The following PDE7B variants were observed in gnomAD, a reference collection of about 807,000 sequenced individuals.
PDE7B encodes the protein 3',5'-cyclic-AMP phosphodiesterase 7B.
Under a neutral mutation model 56.2 loss-of-function variants are expected in PDE7B, and 29 were observed. The observed-to-expected ratio is 0.52, with a 90% CI of 0.38 to 0.70. The LOEUF (loss-of-function observed/expected upper bound fraction) is 0.70, where lower values mean the gene tolerates loss of function less well. PDE7B is among the 30% of genes least tolerant of loss of function. The pLI is 0.00. For missense variants in PDE7B, 490 were observed against 565.0 expected (o/e 0.87, Z 1.35); for synonymous variants, 197 against 196.9 (o/e 1.00, Z 0.00).
At chr6:136,008,521 C>T (rs182206130) in intron 2 of PDE7B, among the ~76,000 whole-genome samples, 3 of 152,316 alleles carry the variant, frequency 2.0e-5, no homozygotes, top group Admixed American at 2.0e-4. Flanking sequence ...TTAATGATTG[C>T]CATTCTAACT....
intron 2 of PDE7B, among the ~76,000 whole-genome samples, chr6:135,982,043 ATTGTACATGCAG>A (rs1352677439): frequency 6.6e-6 from 1 of 152,060 alleles, no homozygotes; most frequent in Non-Finnish European, 1.5e-5. Context: ...TGGGACCATC[ATTGTACATGCAG>A]TTTGTCATTG....
chr6:135,995,217 G>T (rs574030854), intron 2 of PDE7B, among the ~76,000 whole-genome samples: 1 of 81,448 alleles, frequency 1.2e-5, no homozygotes, highest in East Asian at 3.5e-4. Context: ...CCGGCCCCAC[G>T]CTCCATACAT....
intron 2 of PDE7B, among the ~76,000 whole-genome samples, chr6:136,021,630 G>A (rs1356460211): frequency 6.7e-6 from 1 of 148,262 alleles, no homozygotes; most frequent in Non-Finnish European, 1.5e-5. Flanking sequence ...GGTGACAAGA[G>A]CAAAACTCTG....
intron 3 of PDE7B, among the ~76,000 whole-genome samples, chr6:136,116,476 G>C (rs967342865): frequency 1.3e-5 from 2 of 152,200 alleles, no homozygotes; most frequent in South Asian, 4.1e-4. Context: ...ATGTAATCAG[G>C]CTGCAGACTG....
rs553277383 is a variant in PDE7B at position 136,093,605 on chromosome 6, G to A, written c.83-15126G>A. Among the ~76,000 whole-genome samples, 394 of 152,280 alleles carry A rather than the reference G, an allele frequency of 2.6e-3. 1 individual carries two copies. Among genetic ancestry groups the A allele is most frequent in the African/African-American group, 9.1e-3 (379 of 41,552 alleles). The stretch of plus-strand genomic sequence containing the variant: ...CCAGGAGAATATTTATGGTGGCTTA[G>A]TTCCCTTTTCCAGAGAGGCCCATGA... On this transcript the variant is annotated intron_variant, in intron 2 of 12. Coordinates refer to ENST00000308191, the MANE Select transcript of PDE7B (RefSeq NM_018945.4).
chr6:136,052,405 G>A (rs535379678), intron 2 of PDE7B, among the ~76,000 whole-genome samples: 10 of 152,216 alleles, frequency 6.6e-5, no homozygotes, highest in Non-Finnish European at 1.2e-4. Flanking sequence ...ACTGGAGAAT[G>A]TCCTCCTGAA....
intron 2 of PDE7B, among the ~76,000 whole-genome samples, chr6:135,984,486 G>C (rs1775345692): frequency 6.6e-6 from 1 of 152,008 alleles, no homozygotes; most frequent in African/African-American, 2.4e-5. Flanking sequence ...GAAATTGCTT[G>C]CCAAATGTGC....
intron 2 of PDE7B, 107 bp from the exon 3 acceptor site, chr6:136,108,624 C>T: frequency 2.6e-6 from 2 of 770,388 alleles, no homozygotes; most frequent in Non-Finnish European, 4.7e-6. Context: ...GAATGGGAAC[C>T]ATTTTTCTCC....
At position 136,040,153 on chromosome 6, in the gene PDE7B, C is replaced by T. The variant is rs376907141; in HGVS notation, c.83-68578C>T. Among the ~76,000 whole-genome samples, 5 of 152,284 alleles carry T rather than the reference C, an allele frequency of 3.3e-5. No homozygotes were observed. In the East Asian group the frequency reaches 5.8e-4, roughly 18 times the overall value. ...TCTTACTATACCTCTCTACCACTGC[C>T]TCACATTCAGTGGAAACTGTCTCTG... On this transcript the variant is annotated intron_variant, in intron 2 of 12. Coordinates refer to ENST00000308191, the MANE Select transcript of PDE7B (RefSeq NM_018945.4).
In PDE7B at chr6:136,135,427, A is replaced by C. The variant is rs75837317; in HGVS notation, c.167-11924A>C. ...AGCCTAGCAAATGCCCTAAATGTTAAGAAATTTGTTTTTATCTTAAATTGC... is the reference window on the plus strand; with the variant it reads ...AGCCTAGCAAATGCCCTAAATGTTACGAAATTTGTTTTTATCTTAAATTGC... On this transcript the variant is annotated intron_variant, in intron 3 of 12. Coordinates refer to ENST00000308191, the MANE Select transcript of PDE7B (RefSeq NM_018945.4). 7.2e-3 allele frequency among the ~76,000 whole-genome samples: 1,096 copies of C among 152,144 alleles called. 14 individuals carry two copies. Among genetic ancestry groups the C allele is most frequent in the African/African-American group, 0.025 (1,021 of 41,522 alleles).
rs1171803694 is a variant in PDE7B at position 135,928,453 on chromosome 6, TTATATATA to T, written c.22-19007_22-19000del. On this transcript the variant is annotated intron_variant, in intron 1 of 12. Transcript: ENST00000308191. ...ATTATATATATATATATATATTTAT[TTATATATA>T]TATTTATTTATATATATATATTTAT... 1.6e-3 allele frequency among the ~76,000 whole-genome samples: 168 copies of T among 105,274 alleles called. 3 individuals are homozygous for T. Among genetic ancestry groups the T allele is most frequent in the African/African-American group, 5.6e-3 (158 of 28,062 alleles). The allele number at this position is 105,274 out of a possible 152,430, so 69.1% of individuals were successfully genotyped here. A position where few individuals can be genotyped will look rare whatever the true frequency, so the allele number is the denominator to read the frequency against.
chr6:136,165,275 G>A (rs537901021), intron 8 of PDE7B, among the ~76,000 whole-genome samples: 17 of 152,304 alleles, frequency 1.1e-4, no homozygotes, highest in African/African-American at 4.1e-4. Context: ...AAGTAGATAA[G>A]GTCGTGTGTG....
At chr6:135,922,281 C>T (rs903918331) in intron 1 of PDE7B, among the ~76,000 whole-genome samples, 2 of 152,124 alleles carry the variant, frequency 1.3e-5, no homozygotes, top group Non-Finnish European at 2.9e-5. Flanking sequence ...TATCAAATGG[C>T]ATGGGAACCA....
Position 135,979,486 on chromosome 6 carries a change from G to A in PDE7B, c.82+31962G>A, listed in dbSNP as rs1421060193. On this transcript the variant is annotated intron_variant, in intron 2 of 12. Coordinates refer to ENST00000308191, the MANE Select transcript of PDE7B (RefSeq NM_018945.4). ...CCTCCTTGTACCTCTGGTAGAATTC[G>A]GCTGTGAATCCATCTGGTCCTGGAC... is the stretch of plus-strand genomic sequence containing the variant. Among the ~76,000 whole-genome samples the A allele has an allele frequency of 9.9e-5, 15 of 151,372 alleles. No individual in the cohort carries two copies. The South Asian group carries it at 2.1e-3, about 21-fold the overall frequency.
intron 1 of PDE7B, among the ~76,000 whole-genome samples, chr6:135,889,789 T>C (rs1775777870): frequency 8.8e-6 from 1 of 113,298 alleles, no homozygotes; most frequent in East Asian, 2.9e-4. Flanking sequence ...GGAGTCTCAC[T>C]CTGTCACCCG....
At position 135,860,103 on chromosome 6, in the gene PDE7B, T is replaced by C. The variant is rs112494743; in HGVS notation, c.21+8084T>C. Among the ~76,000 whole-genome samples the C allele has an allele frequency of 2.5e-3, 386 of 152,186 alleles. 1 individual carries two copies. Among genetic ancestry groups the C allele is most frequent in the African/African-American group, 9.0e-3 (373 of 41,568 alleles). On this transcript the variant is annotated intron_variant, in intron 1 of 12. Transcript: ENST00000308191. ...GGTTCCAAAATTTCTGGCTTTCCTATGTAAGTAGTTACTCAGTTCATAATA... is the reference window on the plus strand; with the variant it reads ...GGTTCCAAAATTTCTGGCTTTCCTACGTAAGTAGTTACTCAGTTCATAATA...
intron 1 of PDE7B, among the ~76,000 whole-genome samples, chr6:135,885,643 G>C (rs1775694328): frequency 6.6e-6 from 1 of 152,114 alleles, no homozygotes; most frequent in Admixed American, 6.6e-5. Flanking sequence ...CTTTGAAGAA[G>C]AGGAAAACAA....
intron 3 of PDE7B, among the ~76,000 whole-genome samples, chr6:136,118,438 A>G (rs984531965): frequency 2.6e-5 from 4 of 152,328 alleles, no homozygotes; most frequent in African/African-American, 9.6e-5. Context: ...GGGAACCACT[A>G]TATATGTCAA....
At chr6:136,147,263 C>T (rs1778431256) in intron 3 of PDE7B, 88 bp from the exon 4 acceptor site, 2 of 798,486 alleles carry the variant, frequency 2.5e-6, no homozygotes, top group Admixed American at 4.8e-5. Context: ...TTAAATTTCT[C>T]TTCTTTTAAT....
Sources: allele counts gnomAD v4.1 joint callset (sites outside exome capture counted in the v4.1 genomes callset), GRCh38; gene constraint gnomAD v4.1.1; transcripts MANE v1.5; gene names NCBI Gene and HGNC (gene_info 2026-07-23, HGNC 2026-07-21).